Variants in HDAC4 observed in about 807,000 individuals in gnomAD.
HDAC4 encodes the protein histone deacetylase 4.
HDAC4 carries 16 observed loss-of-function variants against 135.1 expected under a neutral mutation model. That is an observed-to-expected ratio of 0.12 (90% CI 0.08 to 0.18). The LOEUF (loss-of-function observed/expected upper bound fraction) is 0.18, where lower values mean the gene tolerates loss of function less well. Ranked by LOEUF, HDAC4 falls within the 10% of genes least tolerant of loss-of-function variation. HDAC4 has a pLI of 1.00. For synonymous variants in HDAC4, 685 were observed against 653.4 expected, an observed-to-expected ratio of 1.05 and a Z score of -0.74; for missense variants, 1,143 against 1,511.8, an observed-to-expected ratio of 0.76 and a Z score of 4.05.
At chr2:239,082,294 C>T (rs746790937) in intron 20 of HDAC4, 73 bp from the exon 21 acceptor site, 113 of 1,590,840 alleles carry the variant, frequency 7.1e-5, no homozygotes, top group Non-Finnish European at 9.1e-5. Context: ...GGGCCGTCCC[C>T]AACCCCAGTT....
intron 2 of HDAC4, among the ~76,000 whole-genome samples, chr2:239,296,199 C>G (rs761422626): frequency 6.6e-6 from 1 of 152,146 alleles, no homozygotes; most frequent in Non-Finnish European, 1.5e-5. Flanking sequence ...AAAGCCACCA[C>G]TCTCAAAGCA....
chr2:239,261,907 C>G (rs954891623), intron 2 of HDAC4, among the ~76,000 whole-genome samples: 1 of 152,220 alleles, frequency 6.6e-6, no homozygotes, highest in African/African-American at 2.4e-5. Context: ...AACTGAGAGT[C>G]TCGAAAAGCC....
At chr2:239,243,932 A>G (rs1575506201) in intron 2 of HDAC4, among the ~76,000 whole-genome samples, 2 of 152,164 alleles carry the variant, frequency 1.3e-5, no homozygotes, top group African/African-American at 4.8e-5. Context: ...GCGCCCATCC[A>G]GGGTCCTGCC....
intron 4 of HDAC4, among the ~76,000 whole-genome samples, chr2:239,180,403 C>T (rs948572971): frequency 2.0e-5 from 3 of 152,108 alleles, no homozygotes; most frequent in Admixed American, 6.5e-5. Flanking sequence ...CCGGTTTCCA[C>T]GACCACCCAG....
At chr2:239,383,613 C>T (rs533300158) in intron 1 of HDAC4, among the ~76,000 whole-genome samples, 11 of 152,254 alleles carry the variant, frequency 7.2e-5, no homozygotes, top group East Asian at 5.8e-4. Flanking sequence ...GCTCAAAGAG[C>T]GCCCGATCAA....
chr2:239,344,750 T>C (rs1034917262), intron 2 of HDAC4, among the ~76,000 whole-genome samples: 1 of 152,204 alleles, frequency 6.6e-6, no homozygotes, highest in Non-Finnish European at 1.5e-5. Context: ...TTTGAAACCT[T>C]GCCTTTAGAA....
At chr2:239,378,867 G>A (rs901481013) in intron 1 of HDAC4, among the ~76,000 whole-genome samples, 1 of 152,138 alleles carries the variant, frequency 6.6e-6, no homozygotes, top group Non-Finnish European at 1.5e-5. Context: ...ACAGTCTTTC[G>A]AACAAAGAGG....
chr2:239,247,474 C>T (rs1450629270), intron 2 of HDAC4, among the ~76,000 whole-genome samples: 1 of 152,220 alleles, frequency 6.6e-6, no homozygotes, highest in Non-Finnish European at 1.5e-5. Context: ...GCGAGAGACT[C>T]CCTTTGCTCC....
chr2:239,069,739 T>G (rs34665686), intron 22 of HDAC4, among the ~76,000 whole-genome samples: 1 of 135,108 alleles, frequency 7.4e-6, no homozygotes, highest in South Asian at 2.6e-4. Context: ...TGCACTTGCT[T>G]GGTGAGAGGG....
At chr2:239,057,502 C>A (rs2032041240) in intron 24 of HDAC4, among the ~76,000 whole-genome samples, 1 of 152,156 alleles carries the variant, frequency 6.6e-6, no homozygotes, top group African/African-American at 2.4e-5. Flanking sequence ...AAAGAAAATT[C>A]TAAAAGCTGC....
intron 19 of HDAC4, among the ~76,000 whole-genome samples, 154 bp from the exon 20 acceptor site, chr2:239,084,396 G>A (rs2035658791): frequency 2.0e-5 from 3 of 151,974 alleles, no homozygotes; most frequent in Non-Finnish European, 4.4e-5. Context: ...CCTCAGTGAT[G>A]CCGGAGAATC....
At chr2:239,078,615 G>A (rs893338557) in intron 22 of HDAC4, among the ~76,000 whole-genome samples, 6 of 152,076 alleles carry the variant, frequency 3.9e-5, no homozygotes, top group East Asian at 1.9e-4. Flanking sequence ...GTATTATCAC[G>A]GACACACTTG....
At chr2:239,396,139 A>ATT (rs557713979) in intron 1 of HDAC4, among the ~76,000 whole-genome samples, 20 of 138,736 alleles carry the variant, frequency 1.4e-4, no homozygotes, top group African/African-American at 3.7e-4. Context: ...GTCATGCCTG[A>ATT]TTTTTTTTTT....
chr2:239,382,700 C>G (rs966290441), intron 1 of HDAC4, among the ~76,000 whole-genome samples: 1 of 151,638 alleles, frequency 6.6e-6, no homozygotes, highest in African/African-American at 2.4e-5. Context: ...GTGATGGGAG[C>G]TTTCTTTAAC....
At chr2:239,140,020 C>T (rs779413720) in intron 8 of HDAC4, among the ~76,000 whole-genome samples, 14 of 152,202 alleles carry the variant, frequency 9.2e-5, no homozygotes, top group Admixed American at 7.2e-4. Flanking sequence ...AGGACATGTA[C>T]GTTACCAATT....
intron 4 of HDAC4, among the ~76,000 whole-genome samples, chr2:239,188,518 T>C (rs966318015): frequency 1.3e-4 from 20 of 152,218 alleles, no homozygotes; most frequent in African/African-American, 4.6e-4. Flanking sequence ...CTTCTACCCA[T>C]GGACCACGTG....
At chr2:239,086,364 T>C (rs113533015) in intron 19 of HDAC4, among the ~76,000 whole-genome samples, 9 of 131,600 alleles carry the variant, frequency 6.8e-5, no homozygotes, top group South Asian at 5.1e-4. Flanking sequence ...TCCCTGTACA[T>C]GAAGGAGAAT....
At chr2:239,093,454 G>A (rs2036709364) in intron 17 of HDAC4, among the ~76,000 whole-genome samples, 1 of 152,226 alleles carries the variant, frequency 6.6e-6, no homozygotes, top group Non-Finnish European at 1.5e-5. Flanking sequence ...AGCTGCATCT[G>A]TGCCAGCGAC....
intron 2 of HDAC4, among the ~76,000 whole-genome samples, chr2:239,339,159 C>T (rs1692133967): frequency 6.6e-6 from 1 of 152,348 alleles, no homozygotes; most frequent in East Asian, 1.9e-4. Context: ...CCTGCTGTTC[C>T]TATCCAGGTG....
Sources: gnomAD v4.1 joint callset for allele counts (sites outside exome capture counted in the v4.1 genomes callset) on GRCh38, gnomAD v4.1.1 for gene constraint, MANE v1.5 for transcripts, NCBI Gene and HGNC (gene_info 2026-07-23, HGNC 2026-07-21) for gene names.